Variants in PGM2 observed in about 807,000 individuals in gnomAD.
PGM2 encodes the protein phosphoglucomutase 2, also known as phosphopentomutase.
Under a neutral mutation model 74.6 loss-of-function variants are expected in PGM2, and 57 were observed. The observed-to-expected ratio is 0.76, with a 90% CI of 0.62 to 0.95. The LOEUF (loss-of-function observed/expected upper bound fraction) is 0.95. Ranked by LOEUF, PGM2 falls within the 40% of genes least tolerant of loss-of-function variation. The pLI is 0.00. For synonymous variants in PGM2, 273 were observed against 260.7 expected, an observed-to-expected ratio of 1.05 and a Z score of -0.46; for missense variants, 706 against 741.9, an observed-to-expected ratio of 0.95 and a Z score of 0.56.
At chr4:37,828,841 T>G (rs895043675) in intron 1 of PGM2, among the ~76,000 whole-genome samples, 1 of 152,194 alleles carries the variant, frequency 6.6e-6, no homozygotes, top group African/African-American at 2.4e-5. Flanking sequence ...AGCCTTTCTT[T>G]GGGGCACCTG....
At chr4:37,841,096 A>ATG (rs1271141747) in intron 6 of PGM2, among the ~76,000 whole-genome samples, 1 of 113,914 alleles carries the variant, frequency 8.8e-6, no homozygotes, top group Non-Finnish European at 1.8e-5. Flanking sequence ...ATATATATAT[A>ATG]TATATGTGTG....
Position 37,826,807 on chromosome 4 carries a change from G to T in PGM2, c.75G>T (p.Trp25Cys). ...LDQETAQWLR[W>C]DKNSLTLEAV... ...AGGAGACCGCCCAGTGGCTGCGCTG[G>T]GACAAGGTGAGGGGCACCAGCAGGC... The change falls in exon 1 of 14, where the codon TGG becomes TGT. Residue 25 changes from tryptophan to cysteine, a missense_variant. Physicochemically the swap from Trp to Cys is radical, Grantham distance 215. Coordinates refer to ENST00000381967, the MANE Select transcript of PGM2 (RefSeq NM_018290.4). 2.6e-6 allele frequency: 4 copies of T among 1,546,042 alleles called. No homozygotes were observed. Among genetic ancestry groups the T allele is most frequent in the Non-Finnish European group, 3.5e-6 (4 of 1,143,490 alleles).
chr4:37,830,000 G>A lies in PGM2; in HGVS notation c.118G>A (p.Ala40Thr), dbSNP rs762003238. ...TTTGGAGGCAGTGAAACGACTAATA[G>A]CAGAAGGTAATAAAGAAGAACTACG... ...LTLEAVKRLI[A>T]EGNKEELRKC... Residue 40 changes from alanine (A) to threonine (T), a missense_variant, in exon 2 of 14, where the codon GCA becomes ACA. Ala to Thr is a moderately conservative substitution (Grantham distance 58). Transcript: ENST00000381967. 10 of 1,608,584 alleles carry A rather than the reference G, an allele frequency of 6.2e-6. No homozygotes were observed. In the African/African-American group the frequency reaches 1.3e-4, roughly 22 times the overall value.
chr4:37,832,965 C>T (rs899471464), intron 2 of PGM2, among the ~76,000 whole-genome samples: 8 of 152,092 alleles, frequency 5.3e-5, no homozygotes, highest in Non-Finnish European at 7.4e-5. Flanking sequence ...AGCAGGCCTC[C>T]GAGATTTTTA....
In PGM2 at chr4:37,857,335, TG is replaced by T. The variant is rs1329472880; in HGVS notation, c.1736+1595del. 5.3e-5 allele frequency among the ~76,000 whole-genome samples: 8 copies of T among 152,144 alleles called. No individual in the cohort carries two copies. In the East Asian group the frequency reaches 1.3e-3, roughly 26 times the overall value. ...TCATAGAAGAGTTTTTCCAGCCTCGTGAATCAAACTTGTGCAAATAAAAGCA... is the reference window on the plus strand; with the variant it reads ...TCATAGAAGAGTTTTTCCAGCCTCGTAATCAAACTTGTGCAAATAAAAGCA... On this transcript the variant is annotated intron_variant, in intron 13 of 13. Coordinates refer to ENST00000381967, the MANE Select transcript of PGM2 (RefSeq NM_018290.4).
intron 12 of PGM2, among the ~76,000 whole-genome samples, chr4:37,852,193 A>G (rs767714675): frequency 7.7e-6 from 1 of 130,154 alleles, no homozygotes; most frequent in Non-Finnish European, 1.6e-5. Context: ...TTTCCCAGGC[A>G]GGTCTCAAGT....
intron 12 of PGM2, among the ~76,000 whole-genome samples, chr4:37,850,662 C>T (rs936920413): frequency 2.0e-5 from 3 of 151,332 alleles, no homozygotes; most frequent in African/African-American, 4.9e-5. Flanking sequence ...ATTAGCTGGG[C>T]GTGGTAAGTT....
Position 37,834,652 on chromosome 4 carries a change from A to G in PGM2, c.284A>G (p.Asp95Gly), listed in dbSNP as rs768442314. Residue 95 changes from aspartate to glycine, a missense_variant, in exon 3 of 14, where the codon GAC becomes GGC. Coordinates refer to ENST00000381967, the MANE Select transcript of PGM2 (RefSeq NM_018290.4). The part of the protein sequence containing the change: ...FCRYLEKQFS[D>G]LKQKGIVISF... ...AGATACCTGGAAAAACAATTCAGTG[A>G]CTTAAAGCAGAAAGGCATCGTGATC... 1.9e-6 allele frequency: 3 copies of G among 1,599,236 alleles called. No homozygotes were observed. Among genetic ancestry groups the G allele is most frequent in the South Asian group, 2.2e-5 (2 of 90,186 alleles).
At chr4:37,837,649 AT>A (rs778129324) in intron 4 of PGM2, 36 bp downstream of exon 4, 1 of 1,288,618 alleles carries the variant, frequency 7.8e-7, no homozygotes, top group Non-Finnish European at 1.1e-6. Flanking sequence ...TTCCTGTCAC[AT>A]GATCAGGGAT....
chr4:37,838,800 A>G lies in PGM2; in HGVS notation c.442-1048A>G, dbSNP rs756672930. 2.6e-5 allele frequency among the ~76,000 whole-genome samples: 4 copies of G among 152,246 alleles called. No homozygotes were observed. The East Asian group carries it at 5.8e-4, about 22-fold the overall frequency. On this transcript the variant is annotated intron_variant, in intron 4 of 13. Transcript: ENST00000381967. ...CAGACATGAATTGAACCAGTGTATC[A>G]TGATCCTCTGCCCACACTGAGGAGT...
At position 37,836,600 on chromosome 4, in the gene PGM2, C is replaced by T. The variant is rs145651116; in HGVS notation, c.357-929C>T. ...CCCCAGCCAGCCTTCAGAATAGTGT[C>T]GGCGAAGCTAGTGCCCAAGAAGTAT... is the stretch of plus-strand genomic sequence containing the variant. On this transcript the variant is annotated intron_variant, in intron 3 of 13. Transcript: ENST00000381967. Among the ~76,000 whole-genome samples the T allele has an allele frequency of 5.9e-5, 9 of 152,228 alleles. No individual in the cohort carries two copies. In the South Asian group the frequency reaches 1.2e-3, roughly 21 times the overall value.
intron 1 of PGM2, among the ~76,000 whole-genome samples, chr4:37,828,605 T>G (rs935469999): frequency 6.6e-6 from 1 of 152,222 alleles, no homozygotes; most frequent in African/African-American, 2.4e-5. Context: ...ATTCTGATCC[T>G]GCTGTACTCT....
chr4:37,860,279 A>G (rs1034453428), intron 13 of PGM2, among the ~76,000 whole-genome samples: 6 of 152,350 alleles, frequency 3.9e-5, no homozygotes, highest in Admixed American at 2.0e-4. Flanking sequence ...GATATAATTC[A>G]TATGTACTTA....
chr4:37,830,218 A>C, intron 2 of PGM2, 87 bp downstream of exon 2: 1 of 993,354 alleles, frequency 1.0e-6, no homozygotes, highest in Non-Finnish European at 1.4e-6. Flanking sequence ...CTAATTATAG[A>C]CATGTCTTAC....
In PGM2 at chr4:37,839,898, A is replaced by T; in HGVS notation, c.492A>T (p.Ala164=). 3 of 1,605,626 alleles carry T rather than the reference A, an allele frequency of 1.9e-6. No homozygotes were observed. The highest frequency in any genetic ancestry group is 1.7e-4 in the Middle Eastern group (1 of 6,048). ...TTTGTGCTGGAATCATGATAACTGC[A>T]TCTCACAATCCAAAGCAGGATAATG... ...LKLCAGIMIT[A]SHNPKQDNGY... The change falls in exon 5 of 14, where the codon GCA becomes GCT. Residue 164 remains alanine (A), a synonymous_variant. Coordinates refer to ENST00000381967, the MANE Select transcript of PGM2 (RefSeq NM_018290.4).
chr4:37,852,248 A>C (rs142238207), intron 12 of PGM2, among the ~76,000 whole-genome samples: 1 of 147,832 alleles, frequency 6.8e-6, no homozygotes, highest in East Asian at 2.0e-4. Context: ...TTACAGGCGT[A>C]AGCTACTGCG....
intron 12 of PGM2, among the ~76,000 whole-genome samples, chr4:37,853,329 G>A (rs1044525998): frequency 4.7e-5 from 7 of 149,160 alleles, no homozygotes; most frequent in African/African-American, 2.5e-5. Context: ...GTAGAGACAG[G>A]ATCTTGCTGT....
Position 37,829,953 on chromosome 4 carries a change from T to G in PGM2, c.82-11T>G, listed in dbSNP as rs746228903. 2 of 1,568,692 alleles carry G rather than the reference T, an allele frequency of 1.3e-6. No individual in the cohort carries two copies. The highest frequency in any genetic ancestry group is 2.3e-5 in the East Asian group (1 of 44,206). ...CTTGTCTGGCTGTGTCTATACATTT[T>G]TGTTTTTCAGAATTCCTTAACTTTG... On this transcript the variant is annotated splice_polypyrimidine_tract_variant and intron_variant, in intron 1 of 13. Coordinates refer to ENST00000381967, the MANE Select transcript of PGM2 (RefSeq NM_018290.4).
At chr4:37,839,144 GT>G (rs1725640403) in intron 4 of PGM2, among the ~76,000 whole-genome samples, 1 of 121,914 alleles carries the variant, frequency 8.2e-6, no homozygotes, top group African/African-American at 3.3e-5. Context: ...TTGAGACAGA[GT>G]TTCGCTCTTG....
Sources: gnomAD v4.1 joint callset for allele counts (sites outside exome capture counted in the v4.1 genomes callset) on GRCh38, gnomAD v4.1.1 for gene constraint, MANE v1.5 for transcripts, NCBI Gene and HGNC (gene_info 2026-07-23, HGNC 2026-07-21) for gene names.